Variants in DCK observed in about 807,000 individuals in gnomAD.
The protein encoded by DCK is deoxyadenosine kinase.
Under a neutral mutation model 38.3 loss-of-function variants are expected in DCK, and 23 were observed. The ratio of observed to expected loss-of-function variants is 0.60; its 90% CI spans 0.43 to 0.85. The LOEUF (loss-of-function observed/expected upper bound fraction) is 0.85. Among genes scored for constraint, DCK ranks in the 40% least tolerant of loss-of-function variants. DCK has a pLI of 0.00. For synonymous variants in DCK, 108 were observed against 100.6 expected, an observed-to-expected ratio of 1.07 and a Z score of -0.44; for missense variants, 259 against 304.4, an observed-to-expected ratio of 0.85 and a Z score of 1.11.
intron 1 of DCK, among the ~76,000 whole-genome samples, chr4:70,995,319 G>C (rs537023800): frequency 1.3e-5 from 2 of 152,348 alleles, no homozygotes; most frequent in African/African-American, 4.8e-5. Flanking sequence ...GGGCATGGAG[G>C]CTCATACTTG....
At chr4:71,003,363 G>A (rs1162683892) in intron 2 of DCK, among the ~76,000 whole-genome samples, 1 of 152,182 alleles carries the variant, frequency 6.6e-6, no homozygotes, top group Non-Finnish European at 1.5e-5. Flanking sequence ...TGGGTAACCC[G>A]ACCTTTCTCT....
intron 2 of DCK, among the ~76,000 whole-genome samples, chr4:71,015,686 A>G (rs1560685386): frequency 6.6e-6 from 1 of 152,324 alleles, no homozygotes; most frequent in East Asian, 1.9e-4. Flanking sequence ...CAAAAACCAC[A>G]TGATTATCTC....
intron 2 of DCK, among the ~76,000 whole-genome samples, chr4:71,009,752 C>T (rs1252425242): frequency 6.6e-6 from 1 of 152,110 alleles, no homozygotes; most frequent in Non-Finnish European, 1.5e-5. Context: ...TGTTAATTCT[C>T]TGTACTTCTG....
chr4:71,029,195 TAAC>T (rs1235017195), intron 6 of DCK, among the ~76,000 whole-genome samples, 154 bp from the exon 7 acceptor site: 1 of 152,226 alleles, frequency 6.6e-6, no homozygotes, highest in African/African-American at 2.4e-5. Context: ...CGCCCGGCCT[TAAC>T]AATATTTCTT....
chr4:71,010,887 A>G (rs963924788), intron 2 of DCK, among the ~76,000 whole-genome samples: 1 of 151,690 alleles, frequency 6.6e-6, no homozygotes, highest in Non-Finnish European at 1.5e-5. Flanking sequence ...GAAGGTGTAA[A>G]CCATACTTAT....
intron 2 of DCK, among the ~76,000 whole-genome samples, chr4:71,001,877 C>T (rs1739809111): frequency 6.6e-6 from 1 of 152,112 alleles, no homozygotes; most frequent in Admixed American, 6.5e-5. Context: ...CTTTATTATT[C>T]TGGCTAGTGG....
rs912374486 is a variant in DCK at position 71,019,529 on chromosome 4, C to T, written c.208-2838C>T. Among the ~76,000 whole-genome samples, 18 of 152,256 alleles carry T rather than the reference C, an allele frequency of 1.2e-4. 1 individual carries two copies. The East Asian group carries it at 2.1e-3, about 18-fold the overall frequency. On this transcript the variant is annotated intron_variant, in intron 2 of 6. Coordinates refer to ENST00000286648, the MANE Select transcript of DCK (RefSeq NM_000788.3). ...TGAAAAGATCCAGAGACCCCTGGAG[C>T]TTCTCCTACTATACTTTGAAGAACC...
chr4:71,003,901 T>A (rs148109901), intron 2 of DCK, among the ~76,000 whole-genome samples: 1,644 of 152,344 alleles, frequency 0.011, 16 homozygotes, highest in Middle Eastern at 0.017. Flanking sequence ...GGTTAGAACG[T>A]GCTGCTTTAG....
chr4:71,011,811 C>G (rs1740097035), intron 2 of DCK, among the ~76,000 whole-genome samples: 1 of 152,046 alleles, frequency 6.6e-6, no homozygotes, highest in Admixed American at 6.5e-5. Context: ...TTTCACTTAC[C>G]TTGACAATAA....
chr4:71,006,219 C>G (rs1310527259), intron 2 of DCK: 1 of 232,572 alleles, frequency 4.3e-6, no homozygotes, highest in South Asian at 1.6e-4. Context: ...TTGTCATTTA[C>G]TCTCATTTCT....
rs1405978786 is a variant in DCK at position 71,003,483 on chromosome 4, C to G, written c.207+5301C>G. Among the ~76,000 whole-genome samples the G allele has an allele frequency of 1.3e-5, 2 of 152,140 alleles. 1 individual carries two copies. The highest frequency in any genetic ancestry group is 2.9e-5 in the Non-Finnish European group (2 of 68,034). The stretch of plus-strand genomic sequence containing the variant: ...ATCTTTGTGATGTTTTCTGTATTTC[C>G]TGGATTTGAATGTTGGCCTGTCTTG... On this transcript the variant is annotated intron_variant, in intron 2 of 6. Transcript: ENST00000286648.
intron 2 of DCK, among the ~76,000 whole-genome samples, chr4:71,012,886 C>T (rs989048139): frequency 1.3e-5 from 2 of 152,190 alleles, no homozygotes; most frequent in Non-Finnish European, 2.9e-5. Context: ...CACAGCTCCT[C>T]GCCAGCAACG....
rs553741412 is a variant in DCK at position 71,014,728 on chromosome 4, C to A, written c.208-7639C>A. On this transcript the variant is annotated intron_variant, in intron 2 of 6. Transcript: ENST00000286648. ...AGATGTTCTTTGAAACCAATGAGAA[C>A]AAAGACACAACATACCAGAATCTCT... Among the ~76,000 whole-genome samples the A allele has an allele frequency of 1.2e-4, 19 of 152,250 alleles. No homozygotes were observed. In the East Asian group the frequency reaches 2.7e-3, roughly 22 times the overall value.
intron 2 of DCK, among the ~76,000 whole-genome samples, chr4:71,011,926 A>G (rs879408599): frequency 1.3e-4 from 20 of 152,230 alleles, no homozygotes; most frequent in Non-Finnish European, 1.3e-4. Flanking sequence ...CTCTGTATGT[A>G]TCTTTTACAT....
chr4:71,016,710 CT>C (rs1740274361), intron 2 of DCK, among the ~76,000 whole-genome samples: 1 of 152,164 alleles, frequency 6.6e-6, no homozygotes, highest in African/African-American at 2.4e-5. Context: ...ATAAACGGTG[CT>C]GGAAAAATGG....
chr4:71,010,518 T>C (rs1182778499), intron 2 of DCK, among the ~76,000 whole-genome samples: 1 of 150,638 alleles, frequency 6.6e-6, no homozygotes, highest in Non-Finnish European at 1.5e-5. Flanking sequence ...TGAATTCTTT[T>C]GGAGGATCAC....
In DCK at chr4:70,993,655, C is replaced by T; in HGVS notation, c.-181C>T. 5.4e-6 allele frequency: 3 copies of T among 554,566 alleles called. No individual in the cohort carries two copies. Among genetic ancestry groups the T allele is most frequent in the Non-Finnish European group, 9.5e-6 (3 of 314,650 alleles). The allele number at this position is 554,566 out of a possible 1,614,324, so 34.4% of individuals were successfully genotyped here. ...GCCGCCCCGCAGGCCCGCCAGTGTC[C>T]TCAGCTGCCTCCGCGCGCCAAAGTC... On this transcript the variant is annotated 5_prime_UTR_variant, in exon 1 of 7. Coordinates refer to ENST00000286648, the MANE Select transcript of DCK (RefSeq NM_000788.3).
chr4:71,023,217 A>G (rs1177929232), intron 3 of DCK, among the ~76,000 whole-genome samples: 1 of 152,254 alleles, frequency 6.6e-6, no homozygotes, highest in Non-Finnish European at 1.5e-5. Context: ...TTTTGCAGAT[A>G]TCTTTAATGC....
Position 71,026,769 on chromosome 4 carries a change from G to C in DCK, c.756+14G>C. The C allele has an allele frequency of 8.0e-7, 1 of 1,252,276 alleles. No individual in the cohort carries two copies. The allele number at this position is 1,252,276 out of a possible 1,614,324, so 77.6% of individuals were successfully genotyped here. A position where few individuals can be genotyped will look rare whatever the true frequency, so the allele number is the denominator to read the frequency against. ...CTGGTTGAAAAGGTAGATTTAGACAGACTACAAACAAATATTTGTTTTTTC... is the reference window on the plus strand; with the variant it reads ...CTGGTTGAAAAGGTAGATTTAGACACACTACAAACAAATATTTGTTTTTTC... On this transcript the variant is annotated intron_variant, in intron 6 of 6. Coordinates refer to ENST00000286648, the MANE Select transcript of DCK (RefSeq NM_000788.3).
Sources: allele counts gnomAD v4.1 joint callset (sites outside exome capture counted in the v4.1 genomes callset), GRCh38; gene constraint gnomAD v4.1.1; transcripts MANE v1.5; gene names NCBI Gene and HGNC (gene_info 2026-07-23, HGNC 2026-07-21).